The following TMEM235 variants were observed in gnomAD, a reference collection of about 807,000 sequenced individuals.
TMEM235 encodes claudin-27.
Under a neutral mutation model 22.9 loss-of-function variants are expected in TMEM235, and 23 were observed. That is an observed-to-expected ratio of 1.00 (90% CI 0.72 to 1.42). TMEM235 has a LOEUF of 1.42. Ranked by LOEUF, TMEM235 falls within the 40% of genes most tolerant of loss-of-function variation. TMEM235 has a pLI of 0.00. For synonymous variants in TMEM235, 137 were observed against 140.5 expected (o/e 0.98, Z 0.17); for missense variants, 308 against 299.5 (o/e 1.03, Z -0.21).
chr17:78,238,946 G>C lies in TMEM235; in HGVS notation c.410-78G>C. The C allele has an allele frequency of 6.8e-7, 1 of 1,478,318 alleles. No homozygotes were observed. The highest frequency in any genetic ancestry group is 9.0e-7 in the Non-Finnish European group (1 of 1,111,652). The allele number at this position is 1,478,318 out of a possible 1,614,324, so 91.6% of individuals were successfully genotyped here. A position where few individuals can be genotyped will look rare whatever the true frequency, so the allele number is the denominator to read the frequency against. On this transcript the variant is annotated intron_variant, in intron 4 of 5. Transcript: ENST00000421688. The surrounding 1 kb of genome is among the most constrained non-coding windows in gnomAD (Gnocchi z 4.3). ...TGCTAGCGGGGCCGGGGATGCTGAGGCCATGTCTGCAGGACCACCTGGGCC... is the reference window on the plus strand; with the variant it reads ...TGCTAGCGGGGCCGGGGATGCTGAGCCCATGTCTGCAGGACCACCTGGGCC...
At chr17:78,231,566 G>A (rs1360119469) in exon 2 of TMEM235, 3 of 1,304,228 alleles carry the variant, frequency 2.3e-6, no homozygotes, top group Non-Finnish European at 3.0e-6. Context: ...ACGGGTGGGT[G>A]GTCCTGCTGC....
At chr17:78,235,681 A>C (rs942855996) in intron 4 of TMEM235, among the ~76,000 whole-genome samples, 1 of 148,628 alleles carries the variant, frequency 6.7e-6, no homozygotes, top group Non-Finnish European at 1.5e-5. Context: ...GCTCACTGCA[A>C]GCTCTGCCTC....
Position 78,233,925 on chromosome 17 carries a change from CT to C in TMEM235, c.225del (p.Phe75LeufsTer28). On this transcript the variant is annotated frameshift_variant, in exon 3 of 6. Coordinates refer to ENST00000421688, the Ensembl canonical transcript of TMEM235. LOFTEE classifies it high-confidence loss of function. ...AACGGCTGCATCCCGCTGGTCGACC[CT>C]TTTGCCAGTGAGAGCCTGGACGTCT... 2 of 1,535,780 alleles carry C rather than the reference CT, an allele frequency of 1.3e-6. No individual in the cohort carries two copies. Among genetic ancestry groups the C allele is most frequent in the Non-Finnish European group, 1.7e-6 (2 of 1,146,768 alleles).
chr17:78,239,692 C>T (rs2076686917), intron 5 of TMEM235, 88 bp from the exon 5 acceptor site: 1 of 1,466,014 alleles, frequency 6.8e-7, no homozygotes, highest in Non-Finnish European at 9.1e-7. Context: ...AAAGTAGGTG[C>T]CTGTTAAATG....
At chr17:78,240,091 C>T in exon 6 of TMEM235, 3 of 1,397,944 alleles carry the variant, frequency 2.1e-6, no homozygotes, top group South Asian at 1.4e-5. Flanking sequence ...CTGGCACAGG[C>T]TGCTGCTGCT....
intron 3 of TMEM235, chr17:78,234,279 G>A: frequency 1.5e-6 from 1 of 687,956 alleles, no homozygotes; most frequent in Non-Finnish European, 2.7e-6. Flanking sequence ...CAGACTCCTG[G>A]CTCCCCATTT....
exon 1 of TMEM235, chr17:78,231,338 C>G (rs1461784156): frequency 8.6e-7 from 1 of 1,164,302 alleles, no homozygotes; most frequent in African/African-American, 1.6e-5. Flanking sequence ...TGCCTGTTTT[C>G]TCCGTGAGTG....
At chr17:78,231,449 G>C (rs2076577505) in exon 2 of TMEM235, 1 of 1,300,606 alleles carries the variant, frequency 7.7e-7, no homozygotes, top group Admixed American at 2.3e-5. Flanking sequence ...CCCGGCTGTG[G>C]GGCCCAGCCA....
rs1038456838 is a variant in TMEM235 at position 78,238,446 on chromosome 17, G to T, written c.410-578G>T. On this transcript the variant is annotated intron_variant, in intron 4 of 5. Transcript: ENST00000421688. The surrounding 1 kb of genome is among the most constrained non-coding windows in gnomAD (Gnocchi z 4.3). ...GAGGGAGGGGGATGTTAGCCCCGGAGGTAGGGAGGGCAAAGGTGTGAGGAA... is the reference window on the plus strand; with the variant it reads ...GAGGGAGGGGGATGTTAGCCCCGGATGTAGGGAGGGCAAAGGTGTGAGGAA... Among the ~76,000 whole-genome samples the T allele has an allele frequency of 6.6e-6, 1 of 152,076 alleles. No homozygotes were observed. Among genetic ancestry groups the T allele is most frequent in the Non-Finnish European group, 1.5e-5 (1 of 68,010 alleles).
intron 3 of TMEM235, 197 bp from the exon 3 acceptor site, chr17:78,234,396 G>A: frequency 1.2e-6 from 1 of 819,692 alleles, no homozygotes; most frequent in Non-Finnish European, 2.0e-6. Context: ...AGTGTTCTGG[G>A]GACGCCTCCC....
intron 2 of TMEM235, 30 bp downstream of exon 1, chr17:78,232,243 C>T: frequency 7.0e-7 from 1 of 1,423,016 alleles, no homozygotes; most frequent in Non-Finnish European, 9.1e-7. Context: ...GCCCTCCTCC[C>T]TCCGCGACCT....
intron 2 of TMEM235, among the ~76,000 whole-genome samples, chr17:78,232,516 C>T (rs1403070971): frequency 6.6e-6 from 1 of 152,206 alleles, no homozygotes; most frequent in African/African-American, 2.4e-5. Flanking sequence ...GGGGCCTCAT[C>T]CAAGTCACCA....
In TMEM235 at chr17:78,232,230, C is replaced by A; in HGVS notation, c.190+17C>A. ...TCTGCGAAGGTAACCGGCCACCGCGCCGGCCCTCCTCCCTCCGCGACCTCG... is the reference window on the plus strand; with the variant it reads ...TCTGCGAAGGTAACCGGCCACCGCGACGGCCCTCCTCCCTCCGCGACCTCG... On this transcript the variant is annotated intron_variant, in intron 2 of 5. Transcript: ENST00000421688. The A allele has an allele frequency of 6.9e-7, 1 of 1,440,510 alleles. No homozygotes were observed. The highest frequency in any genetic ancestry group is 9.1e-7 in the Non-Finnish European group (1 of 1,101,114). 89.2% of individuals were successfully genotyped at this position (1,440,510 alleles called of 1,614,324 possible).
Position 78,237,730 on chromosome 17 carries a change from A to T in TMEM235, c.410-1294A>T, listed in dbSNP as rs1209873087. ...ACCCCCACCCCTGCTTCTCCCAGGG[A>T]CCGCTTCATTCAATTTGGCTTCACA... On this transcript the variant is annotated intron_variant, in intron 4 of 5. Coordinates refer to ENST00000421688, the Ensembl canonical transcript of TMEM235. This position sits in a 1 kb window ranked among gnomAD's most constrained non-coding sequence, Gnocchi z 4.7. Among the ~76,000 whole-genome samples the T allele has an allele frequency of 6.6e-6, 1 of 152,052 alleles. No individual in the cohort carries two copies. Among genetic ancestry groups the T allele is most frequent in the East Asian group, 1.9e-4 (1 of 5,172 alleles).
chr17:78,232,248 C>T, intron 2 of TMEM235, 35 bp downstream of exon 1: 1 of 1,419,162 alleles, frequency 7.0e-7, no homozygotes, highest in South Asian at 1.5e-5. Context: ...CCTCCCTCCG[C>T]GACCTCGTCC....
intron 2 of TMEM235, among the ~76,000 whole-genome samples, chr17:78,233,196 A>G (rs2076603811): frequency 6.6e-6 from 1 of 152,034 alleles, no homozygotes; most frequent in Non-Finnish European, 1.5e-5. Context: ...TGTGAGAACC[A>G]GAGAGTATGT....
chr17:78,232,053 C>A, exon 2 of TMEM235: 2 of 1,338,886 alleles, frequency 1.5e-6, no homozygotes, highest in Non-Finnish European at 1.9e-6. Flanking sequence ...TGCTCCTGGC[C>A]GCCGCCCTGG....
rs1041626462 is a variant in TMEM235, at chr17:78,238,151, G to A, written c.410-873G>A. 1.3e-5 allele frequency among the ~76,000 whole-genome samples: 2 copies of A among 152,218 alleles called. No individual in the cohort carries two copies. Among genetic ancestry groups the A allele is most frequent in the Non-Finnish European group, 2.9e-5 (2 of 68,012 alleles). On this transcript the variant is annotated intron_variant, in intron 4 of 5. Coordinates refer to ENST00000421688, the Ensembl canonical transcript of TMEM235. The surrounding 1 kb of genome is among the most constrained non-coding windows in gnomAD (Gnocchi z 4.3). ...AGCTGTGGGAAGGGGGTGGCACTCCGGGCTGGTTCCTCCAAGCTCAGTGGA... is the reference window on the plus strand; with the variant it reads ...AGCTGTGGGAAGGGGGTGGCACTCCAGGCTGGTTCCTCCAAGCTCAGTGGA...
intron 2 of TMEM235, among the ~76,000 whole-genome samples, chr17:78,233,552 G>T (rs552544572): frequency 1.3e-5 from 2 of 152,216 alleles, no homozygotes; most frequent in Admixed American, 1.3e-4. Flanking sequence ...AAAATTAGCC[G>T]GGCACGGTGG....
Sources: gnomAD v4.1 joint callset for allele counts (sites outside exome capture counted in the v4.1 genomes callset) on GRCh38, gnomAD v4.1.1 for gene constraint, Gnocchi (gnomAD v3.1) non-coding constraint, MANE v1.5 for transcripts, NCBI Gene and HGNC (gene_info 2026-07-23, HGNC 2026-07-21) for gene names.